Variants in KCTD16 observed in about 807,000 individuals in gnomAD.
The protein encoded by KCTD16 is BTB/POZ domain-containing protein KCTD16.
Under a neutral mutation model 33.2 loss-of-function variants are expected in KCTD16, and 13 were observed. That is an observed-to-expected ratio of 0.39 (90% CI 0.25 to 0.62). The LOEUF is 0.62. Among genes scored for constraint, KCTD16 ranks in the 20% least tolerant of loss-of-function variants. The pLI is 0.50. For missense variants in KCTD16, 441 were observed against 525.1 expected (o/e 0.84, Z 1.57); for synonymous variants, 197 against 195.3 (o/e 1.01, Z -0.07).
intron 3 of KCTD16, among the ~76,000 whole-genome samples, chr5:144,300,365 T>A (rs1751399173): frequency 6.6e-6 from 1 of 152,208 alleles, no homozygotes; most frequent in South Asian, 2.1e-4. Flanking sequence ...TCCCGAATTC[T>A]TGCAATCTGT....
intron 3 of KCTD16, among the ~76,000 whole-genome samples, chr5:144,415,920 ATGAT>A (rs1456618283): frequency 9.2e-5 from 14 of 152,278 alleles, no homozygotes; most frequent in Middle Eastern, 6.8e-3. Flanking sequence ...GTGATGCAAA[ATGAT>A]TGGGTGCTGA....
intron 2 of KCTD16, among the ~76,000 whole-genome samples, chr5:144,183,740 C>G (rs988128336): frequency 2.6e-5 from 4 of 151,996 alleles, no homozygotes; most frequent in Admixed American, 2.6e-4. Flanking sequence ...CATTGATGAA[C>G]AAGAATAGTG....
intron 3 of KCTD16, among the ~76,000 whole-genome samples, chr5:144,442,736 T>C (rs1753741021): frequency 1.3e-5 from 2 of 152,066 alleles, no homozygotes; most frequent in South Asian, 4.1e-4. Context: ...CTCTCCACTC[T>C]CTGTTTCACT....
At chr5:144,187,934 C>G (rs1285818488) in intron 2 of KCTD16, among the ~76,000 whole-genome samples, 1 of 152,190 alleles carries the variant, frequency 6.6e-6, no homozygotes, top group Non-Finnish European at 1.5e-5. Flanking sequence ...GCTTCAGTAA[C>G]CACGTCTCCA....
At chr5:144,342,623 G>A (rs1014991123) in intron 3 of KCTD16, among the ~76,000 whole-genome samples, 3 of 152,136 alleles carry the variant, frequency 2.0e-5, no homozygotes, top group Non-Finnish European at 4.4e-5. Context: ...ATGTTGAATC[G>A]GAGTGGTGAG....
At chr5:144,181,254 A>G (rs1206235300) in intron 2 of KCTD16, among the ~76,000 whole-genome samples, 1 of 152,198 alleles carries the variant, frequency 6.6e-6, no homozygotes, top group African/African-American at 2.4e-5. Context: ...TTTTTATGCA[A>G]AGATTTTCAA....
chr5:144,343,661 A>G (rs1254057114), intron 3 of KCTD16, among the ~76,000 whole-genome samples: 1 of 151,682 alleles, frequency 6.6e-6, no homozygotes, highest in Non-Finnish European at 1.5e-5. Flanking sequence ...AGTTCTTTTA[A>G]TTGTGATGTT....
chr5:144,417,632 ATTTTGT>A (rs933129784), intron 3 of KCTD16, among the ~76,000 whole-genome samples: 28 of 151,862 alleles, frequency 1.8e-4, no homozygotes, highest in East Asian at 1.2e-3. Flanking sequence ...ATTTATTTTT[ATTTTGT>A]TTTTGTTTTT....
At chr5:144,380,639 A>C (rs112860716) in intron 3 of KCTD16, among the ~76,000 whole-genome samples, 8,665 of 152,256 alleles carry the variant, frequency 0.057, 816 homozygotes, top group African/African-American at 0.19. Flanking sequence ...GTACAAAACC[A>C]GACACATAGA....
At chr5:144,427,174 C>T (rs1172828600) in intron 3 of KCTD16, among the ~76,000 whole-genome samples, 1 of 151,786 alleles carries the variant, frequency 6.6e-6, no homozygotes, top group Non-Finnish European at 1.5e-5. Context: ...TACCCAGACA[C>T]TTTGGGAGAA....
chr5:144,235,736 T>A (rs1193235118), intron 3 of KCTD16, among the ~76,000 whole-genome samples: 1 of 152,124 alleles, frequency 6.6e-6, no homozygotes, highest in Non-Finnish European at 1.5e-5. Context: ...ATGTTCTCTA[T>A]ATCTTGTCAA....
At chr5:144,300,598 C>T (rs555240157) in intron 3 of KCTD16, among the ~76,000 whole-genome samples, 8 of 151,994 alleles carry the variant, frequency 5.3e-5, no homozygotes, top group Non-Finnish European at 1.0e-4. Flanking sequence ...GTTGATTATC[C>T]AACTCATCAC....
intron 3 of KCTD16, among the ~76,000 whole-genome samples, chr5:144,462,899 GT>G (rs1168618439): frequency 6.6e-6 from 1 of 152,110 alleles, no homozygotes; most frequent in African/African-American, 2.4e-5. Flanking sequence ...CTTGAAGGGT[GT>G]TTTTCCCAAT....
intron 2 of KCTD16, among the ~76,000 whole-genome samples, chr5:144,197,073 C>A (rs1262794584): frequency 6.6e-6 from 1 of 152,160 alleles, no homozygotes; most frequent in Non-Finnish European, 1.5e-5. Flanking sequence ...CATAACCCAT[C>A]CTACACACAT....
At chr5:144,403,661 A>T (rs1200419615) in intron 3 of KCTD16, among the ~76,000 whole-genome samples, 1 of 152,202 alleles carries the variant, frequency 6.6e-6, no homozygotes, top group African/African-American at 2.4e-5. Flanking sequence ...AAAAATGATT[A>T]TAGTAGCCCT....
chr5:144,347,511 C>A (rs1283650064), intron 3 of KCTD16, among the ~76,000 whole-genome samples: 1 of 152,154 alleles, frequency 6.6e-6, no homozygotes, highest in East Asian at 1.9e-4. Context: ...AGGAGAATCG[C>A]TTGAACTGGG....
intron 3 of KCTD16, among the ~76,000 whole-genome samples, chr5:144,277,653 T>A (rs944104970): frequency 2.6e-5 from 4 of 152,230 alleles, no homozygotes; most frequent in African/African-American, 9.6e-5. Context: ...CCTATCAGAA[T>A]AAGAGATCTA....
In KCTD16 at chr5:144,226,560, T is replaced by G. The variant is rs541291883; in HGVS notation, c.832+19014T>G. Among the ~76,000 whole-genome samples, 29 of 150,928 alleles carry G rather than the reference T, an allele frequency of 1.9e-4. No homozygotes were observed. In the East Asian group the frequency reaches 4.6e-3, roughly 24 times the overall value. On this transcript the variant is annotated intron_variant, in intron 3 of 3. Transcript: ENST00000512467. ...AACCTGAAGTGATTCTATGTTTGACTTTGAGAAAAAAAAATATGTCTTTTT... is the reference window on the plus strand; with the variant it reads ...AACCTGAAGTGATTCTATGTTTGACGTTGAGAAAAAAAAATATGTCTTTTT...
chr5:144,461,983 C>T (rs1320222101), intron 3 of KCTD16, among the ~76,000 whole-genome samples: 1 of 152,184 alleles, frequency 6.6e-6, no homozygotes, highest in Non-Finnish European at 1.5e-5. Context: ...GTTTTGCAGT[C>T]TTAAGAATTA....
Sources: gnomAD v4.1 joint callset for allele counts (sites outside exome capture counted in the v4.1 genomes callset) on GRCh38, gnomAD v4.1.1 for gene constraint, MANE v1.5 for transcripts, NCBI Gene and HGNC (gene_info 2026-07-23, HGNC 2026-07-21) for gene names.